SEC16A: variants seen among roughly 807,000 people sequenced by gnomAD.
SEC16A encodes the protein protein transport protein Sec16A.
In SEC16A, 110 loss-of-function variants were observed where a neutral mutation model predicts 221.9. That is an observed-to-expected ratio of 0.50 (90% CI 0.42 to 0.58). The LOEUF (loss-of-function observed/expected upper bound fraction) is 0.58. Ranked by LOEUF, SEC16A falls within the 20% of genes least tolerant of loss-of-function variation. The probability of loss-of-function intolerance (pLI) is 0.00; values close to 1 mark genes in which losing one functional copy is unlikely to be tolerated. For missense variants in SEC16A, 3,165 were observed against 3,097.8 expected (o/e 1.02, Z -0.52); for synonymous variants, 1,393 against 1,257.7 (o/e 1.11, Z -2.28).
chr9:136,481,374 G>T (rs539896866), intron 1 of SEC16A, among the ~76,000 whole-genome samples: 306 of 152,156 alleles, frequency 2.0e-3, no homozygotes, highest in Non-Finnish European at 3.5e-3. Flanking sequence ...TCCTGACCTC[G>T]TGATCCGCCC....
rs754546668 is a variant in SEC16A, at chr9:136,441,706, G to A, written c.*49C>T. ...GCGGAGGTCGGTCGGGTTCTTCGGG[G>A]AGAACAGCAGCGTCAGGGCTCCAAG... On this transcript the variant is annotated 3_prime_UTR_variant, in exon 32 of 32. Coordinates refer to ENST00000684901, the MANE Select transcript of SEC16A (RefSeq NM_014866.2). The A allele has an allele frequency of 2.6e-6, 4 of 1,567,492 alleles. No individual in the cohort carries two copies. Among genetic ancestry groups the A allele is most frequent in the East Asian group, 2.2e-5 (1 of 44,594 alleles).
intron 20 of SEC16A, among the ~76,000 whole-genome samples, chr9:136,455,073 G>A (rs922508442): frequency 2.6e-5 from 4 of 152,204 alleles, no homozygotes; most frequent in East Asian, 1.9e-4. Context: ...AGCAGGAGGC[G>A]AGCAGGAAGG....
At chr9:136,484,648 T>C (rs987675420), upstream of SEC16A, 10 of 1,365,186 alleles carry the variant, frequency 7.3e-6, no homozygotes, top group Non-Finnish European at 9.8e-6. Context: ...CGGCGGCTGG[T>C]GAGGGAGGGG....
At chr9:136,454,412 G>A (rs552622592) in intron 20 of SEC16A, 85 bp from the exon 21 acceptor site, 4 of 1,269,192 alleles carry the variant, frequency 3.2e-6, no homozygotes, top group African/African-American at 1.5e-5. Context: ...ACGTGTTTAT[G>A]ACAAGTTATT....
chr9:136,462,305 C>T (rs1026238227), intron 12 of SEC16A, among the ~76,000 whole-genome samples: 12 of 152,116 alleles, frequency 7.9e-5, no homozygotes, highest in Non-Finnish European at 1.5e-5. Context: ...CCCTCCTGTG[C>T]ACATAGTGTC....
chr9:136,457,991 T>C (rs1014488075), intron 17 of SEC16A, among the ~76,000 whole-genome samples: 1 of 152,038 alleles, frequency 6.6e-6, no homozygotes, highest in Non-Finnish European at 1.5e-5. Flanking sequence ...GGGTCTCACT[T>C]TGTCACCCAG....
chr9:136,465,789 G>A (rs1473265576), intron 8 of SEC16A, among the ~76,000 whole-genome samples, 173 bp downstream of exon 8: 1 of 152,220 alleles, frequency 6.6e-6, no homozygotes, highest in African/African-American at 2.4e-5. Context: ...CAATCGAAGA[G>A]ACAGCATCGG....
intron 8 of SEC16A, among the ~76,000 whole-genome samples, chr9:136,464,786 T>C (rs1318760002): frequency 2.0e-5 from 3 of 152,212 alleles, no homozygotes; most frequent in Non-Finnish European, 4.4e-5. Context: ...AGCTGTTCCC[T>C]TGTACACTGA....
Position 136,474,058 on chromosome 9 carries a change from G to C in SEC16A, c.3558C>G (p.Leu1186=), listed in dbSNP as rs748142002. 1 of 1,603,090 alleles carries C rather than the reference G, an allele frequency of 6.2e-7. No individual in the cohort carries two copies. Among genetic ancestry groups the C allele is most frequent in the Admixed American group, 1.7e-5 (1 of 59,342 alleles). ...PYPPEPGAAS[L]YYQDVYSLYE... ...ACGACTCGACTCTTACCTGGTAATAGAGGGAGGCTGCGCCAGGCTCCGGTG... is the reference window on the plus strand; with the variant it reads ...ACGACTCGACTCTTACCTGGTAATACAGGGAGGCTGCGCCAGGCTCCGGTG... The change falls in exon 3 of 32, where the codon CTC becomes CTG. Residue 1186 remains leucine (L), a synonymous_variant. Coordinates refer to ENST00000684901, the MANE Select transcript of SEC16A (RefSeq NM_014866.2).
intron 17 of SEC16A, 138 bp downstream of exon 17, chr9:136,458,996 T>C (rs1365107608): frequency 5.4e-6 from 3 of 554,214 alleles, no homozygotes; most frequent in Non-Finnish European, 9.6e-6. Context: ...TTAGATCAAA[T>C]GTCTTCTCAA....
Position 136,474,272 on chromosome 9 carries a change from C to T in SEC16A, c.3344G>A (p.Arg1115Gln), listed in dbSNP as rs1233831098. The T allele has an allele frequency of 2.5e-6, 4 of 1,607,236 alleles. No individual in the cohort carries two copies. The highest frequency in any genetic ancestry group is 2.5e-6 in the Non-Finnish European group (3 of 1,177,074). ...AGACACGCTAGAGGACTGAGGAGGC[C>T]GAGGGGGCAGCTGCTGACCCGCGTC... is the stretch of plus-strand genomic sequence containing the variant. ...LVDAGQQLPP[R>Q]PPQSSSVSLV... Residue 1115 changes from arginine (R) to glutamine (Q), a missense_variant, in exon 3 of 32, where the codon CGG becomes CAG. Arg to Gln is a conservative substitution (Grantham distance 43). Coordinates refer to ENST00000684901, the MANE Select transcript of SEC16A (RefSeq NM_014866.2).
intron 22 of SEC16A, among the ~76,000 whole-genome samples, chr9:136,452,147 T>C (rs895981971): frequency 1.4e-4 from 21 of 152,090 alleles, no homozygotes; most frequent in Non-Finnish European, 1.2e-4. Context: ...GAAATTCTAC[T>C]GTAGAAAAAG....
intron 19 of SEC16A, 51 bp from the exon 20 acceptor site, chr9:136,455,844 A>T: frequency 6.6e-7 from 1 of 1,508,804 alleles, no homozygotes; most frequent in African/African-American, 1.4e-5. Context: ...GCCGCTCTGC[A>T]GCGCTGCCCG....
upstream of SEC16A, chr9:136,484,502 G>A (rs1439628070): frequency 4.1e-6 from 5 of 1,233,954 alleles, no homozygotes; most frequent in Middle Eastern, 2.6e-4. Context: ...GAAGAGCCGC[G>A]GCCTTCCTCT....
rs1837169900 is a variant in SEC16A at position 136,447,477 on chromosome 9, A to G, written c.6559+92T>C. On this transcript the variant is annotated intron_variant, in intron 26 of 31. Transcript: ENST00000684901. This position sits in a 1 kb window ranked among gnomAD's most constrained non-coding sequence, Gnocchi z 5.5. ...AGCACGCAGGGACGTGCGGGAAGCC[A>G]CCTCCTCCCCACGCACAACAGCTAC... is the stretch of plus-strand genomic sequence containing the variant. 5 of 1,542,322 alleles carry G rather than the reference A, an allele frequency of 3.2e-6. No homozygotes were observed. The South Asian group carries it at 3.5e-5, about 11-fold the overall frequency.
rs1840215138 is a variant in SEC16A, at chr9:136,466,732, G to A, written c.3929+225C>T. Among the ~76,000 whole-genome samples the A allele has an allele frequency of 2.6e-5, 4 of 152,216 alleles. No individual in the cohort carries two copies. The highest frequency in any genetic ancestry group is 5.9e-5 in the Non-Finnish European group (4 of 68,036). On this transcript the variant is annotated intron_variant, in intron 6 of 31. Coordinates refer to ENST00000684901, the MANE Select transcript of SEC16A (RefSeq NM_014866.2). The surrounding 1 kb of genome is among the most constrained non-coding windows in gnomAD (Gnocchi z 5.5). ...CCCAATCTCCCAGGTGCTCCCAGAG[G>A]TGCTGAACAGTCCTCTTGCTGAGGC...
chr9:136,472,932 C>T (rs925769702), intron 3 of SEC16A, among the ~76,000 whole-genome samples: 4 of 152,244 alleles, frequency 2.6e-5, no homozygotes, highest in African/African-American at 7.2e-5. Context: ...ACAAAGGACC[C>T]GAAGTGAGGC....
chr9:136,464,616 G>C, intron 8 of SEC16A, 54 bp from the exon 9 acceptor site: 1 of 1,502,210 alleles, frequency 6.7e-7, no homozygotes. Context: ...TGATGCTTCT[G>C]AGCCTAGATT....
chr9:136,441,637 G>A lies in SEC16A; in HGVS notation c.*118C>T. The A allele has an allele frequency of 1.2e-6, 1 of 814,598 alleles. No individual in the cohort carries two copies. The highest frequency in any genetic ancestry group is 2.6e-5 in the East Asian group (1 of 38,342). The allele number at this position is 814,598 out of a possible 1,614,324, so 50.5% of individuals were successfully genotyped here. A position where few individuals can be genotyped will look rare whatever the true frequency, so the allele number is the denominator to read the frequency against. ...AGGAGGGAGGCACAGTGTGCGACCA[G>A]CTCTGAGTCACTGCTGTGTCTCCCT... On this transcript the variant is annotated 3_prime_UTR_variant, in exon 32 of 32. Transcript: ENST00000684901.
Sources: gnomAD v4.1 joint callset for allele counts (sites outside exome capture counted in the v4.1 genomes callset) on GRCh38, gnomAD v4.1.1 for gene constraint, Gnocchi (gnomAD v3.1) non-coding constraint, MANE v1.5 for transcripts, NCBI Gene and HGNC (gene_info 2026-07-23, HGNC 2026-07-21) for gene names.